The following PTPRM variants were observed in gnomAD, a reference collection of about 807,000 sequenced individuals.
PTPRM encodes the protein receptor-type tyrosine-protein phosphatase mu.
PTPRM carries 47 observed loss-of-function variants against 186.7 expected under a neutral mutation model. That is an observed-to-expected ratio of 0.25 (90% CI 0.20 to 0.32). The LOEUF (loss-of-function observed/expected upper bound fraction) is 0.32, where lower values mean the gene tolerates loss of function less well. PTPRM is among the 10% of genes least tolerant of loss of function. The pLI, the probability that PTPRM is intolerant of heterozygous loss-of-function variation, is 1.00. For synonymous variants in PTPRM, 668 were observed against 674.9 expected (o/e 0.99, Z 0.16); for missense variants, 1,494 against 1,865.0 (o/e 0.80, Z 3.66).
chr18:7,782,723 A>T (rs2042917306), intron 2 of PTPRM, among the ~76,000 whole-genome samples: 1 of 152,216 alleles, frequency 6.6e-6, no homozygotes, highest in Non-Finnish European at 1.5e-5. Context: ...TTCATGCAGC[A>T]TAATGTTTTC....
intron 1 of PTPRM, among the ~76,000 whole-genome samples, chr18:7,673,640 A>G (rs1445980755): frequency 6.6e-6 from 1 of 152,244 alleles, no homozygotes. Context: ...TATTCATCAC[A>G]TATTACTTGT....
At chr18:7,951,090 C>T (rs1027230433) in intron 6 of PTPRM, among the ~76,000 whole-genome samples, 15 of 152,156 alleles carry the variant, frequency 9.9e-5, no homozygotes, top group African/African-American at 3.1e-4. Flanking sequence ...AGATTCTTAA[C>T]ATGTTTTTAT....
At chr18:8,319,127 G>GCTTAT (rs2095329429) in intron 21 of PTPRM, 51 bp from the exon 22 acceptor site, 1 of 1,245,010 alleles carries the variant, frequency 8.0e-7, no homozygotes, top group African/African-American at 1.5e-5. Context: ...CGACTTATCT[G>GCTTAT]CTGTTTATCG....
At chr18:7,977,796 C>T (rs1741479779) in intron 7 of PTPRM, among the ~76,000 whole-genome samples, 1 of 151,962 alleles carries the variant, frequency 6.6e-6, no homozygotes, top group Admixed American at 6.6e-5. Context: ...GTTCATAATA[C>T]AGTTCTATGT....
intron 14 of PTPRM, among the ~76,000 whole-genome samples, chr18:8,240,641 GAGAGAGAGAGAGAAAGAAAGAAAGAA>G (rs767362448): frequency 5.7e-5 from 4 of 70,136 alleles, no homozygotes; most frequent in Admixed American, 1.6e-4. Flanking sequence ...GAGAGAGAGA[GAGAGAGAGAGAGAAAGAAAGAAAGAA>G]AGAAAGAAAG....
intron 1 of PTPRM, among the ~76,000 whole-genome samples, chr18:7,691,764 A>G (rs2039738252): frequency 6.6e-6 from 1 of 152,172 alleles, no homozygotes; most frequent in African/African-American, 2.4e-5. Context: ...CAGAAAAAAC[A>G]AAAAACAACA....
intron 7 of PTPRM, among the ~76,000 whole-genome samples, chr18:7,989,754 AC>A (rs1426366322): frequency 6.6e-6 from 1 of 152,054 alleles, no homozygotes; most frequent in Non-Finnish European, 1.5e-5. Flanking sequence ...GAATAGGAAA[AC>A]CATTCCTATA....
At chr18:7,974,134 C>T (rs902333239) in intron 7 of PTPRM, among the ~76,000 whole-genome samples, 6 of 152,210 alleles carry the variant, frequency 3.9e-5, no homozygotes, top group Middle Eastern at 3.4e-3. Context: ...ACAGGGAAAC[C>T]AGCTAAAAAG....
At chr18:7,943,898 G>A (rs1323185648) in intron 5 of PTPRM, among the ~76,000 whole-genome samples, 2 of 152,096 alleles carry the variant, frequency 1.3e-5, no homozygotes, top group African/African-American at 4.8e-5. Context: ...GCCATGTAAG[G>A]TAACATAGTC....
At chr18:8,135,422 C>T (rs897053288) in intron 13 of PTPRM, among the ~76,000 whole-genome samples, 10 of 152,088 alleles carry the variant, frequency 6.6e-5, no homozygotes, top group African/African-American at 2.4e-4. Flanking sequence ...GGTTTTTTCT[C>T]CATGTTGTGT....
At chr18:7,719,764 G>A (rs2040412138) in intron 1 of PTPRM, among the ~76,000 whole-genome samples, 1 of 152,000 alleles carries the variant, frequency 6.6e-6, no homozygotes, top group African/African-American at 2.4e-5. Flanking sequence ...AATCAAACAA[G>A]GAAAAATAGA....
chr18:8,196,092 G>A (rs895103867), intron 14 of PTPRM, among the ~76,000 whole-genome samples: 2 of 152,182 alleles, frequency 1.3e-5, no homozygotes, highest in African/African-American at 4.8e-5. Flanking sequence ...CTGAGCACCT[G>A]CTTCTATCCA....
chr18:7,685,813 C>A (rs1011850674), intron 1 of PTPRM, among the ~76,000 whole-genome samples: 14 of 152,004 alleles, frequency 9.2e-5, no homozygotes, highest in Admixed American at 6.6e-4. Flanking sequence ...AGAAAGAGCA[C>A]CTGATGGTTA....
chr18:7,575,940 G>A (rs1347929295), intron 1 of PTPRM, among the ~76,000 whole-genome samples: 2 of 152,300 alleles, frequency 1.3e-5, no homozygotes, highest in East Asian at 3.9e-4. Flanking sequence ...TAGAAGTCAG[G>A]GCAGGGTGGA....
intron 1 of PTPRM, among the ~76,000 whole-genome samples, chr18:7,627,801 CCTCT>C (rs1236100217): frequency 6.6e-6 from 1 of 152,048 alleles, no homozygotes; most frequent in African/African-American, 2.4e-5. Flanking sequence ...GACAGAAGGT[CCTCT>C]CTAAGGACAG....
chr18:8,116,465 G>T (rs1469527668), intron 13 of PTPRM, among the ~76,000 whole-genome samples: 1 of 152,160 alleles, frequency 6.6e-6, no homozygotes, highest in Non-Finnish European at 1.5e-5. Context: ...CTGATAATCT[G>T]GGGGTCAAGG....
At chr18:8,328,381 A>C (rs1272946708) in intron 22 of PTPRM, among the ~76,000 whole-genome samples, 1 of 152,212 alleles carries the variant, frequency 6.6e-6, no homozygotes, top group Non-Finnish European at 1.5e-5. Context: ...AATTGAAAGA[A>C]CTTTTTTTTA....
intron 1 of PTPRM, among the ~76,000 whole-genome samples, chr18:7,735,382 C>T (rs531924143): frequency 3.0e-4 from 45 of 152,230 alleles, no homozygotes; most frequent in African/African-American, 1.1e-3. Context: ...GAGATTGTGC[C>T]ACTGCATTCC....
At chr18:8,097,970 C>A in intron 11 of PTPRM, among the ~76,000 whole-genome samples, 1 of 152,128 alleles carries the variant, frequency 6.6e-6, no homozygotes, top group East Asian at 1.9e-4. Flanking sequence ...TTCATTGCAC[C>A]TTTTCTACAT....
Sources: gnomAD v4.1 joint callset for allele counts (sites outside exome capture counted in the v4.1 genomes callset) on GRCh38, gnomAD v4.1.1 for gene constraint, MANE v1.5 for transcripts, NCBI Gene and HGNC (gene_info 2026-07-23, HGNC 2026-07-21) for gene names.